The following CNTNAP5 variants were observed in gnomAD, a reference collection of about 807,000 sequenced individuals.
CNTNAP5 encodes the protein contactin associated protein family member 5.
Under a neutral mutation model 150.2 loss-of-function variants are expected in CNTNAP5, and 72 were observed. That is an observed-to-expected ratio of 0.48 (90% CI 0.40 to 0.58). The LOEUF is 0.58. Ranked by LOEUF, CNTNAP5 falls within the 20% of genes least tolerant of loss-of-function variation. CNTNAP5 has a pLI of 0.00. For missense variants in CNTNAP5, 1,636 were observed against 1,626.2 expected (o/e 1.01, Z -0.10); for synonymous variants, 672 against 619.8 (o/e 1.08, Z -1.25).
rs1381600152 is a variant in CNTNAP5 at position 124,798,216 on chromosome 2, A to G, written c.3113A>G (p.Lys1038Arg). 6.2e-7 allele frequency: 1 copy of G among 1,613,806 alleles called. No homozygotes were observed. The highest frequency in any genetic ancestry group is 8.5e-7 in the Non-Finnish European group (1 of 1,179,838). The change falls in exon 19 of 24, where the codon AAG becomes AGG. Residue 1038 changes from lysine to arginine, a missense_variant. By Grantham distance (26) the Lys-to-Arg change is conservative. Coordinates refer to ENST00000682447, the MANE Select transcript of CNTNAP5 (RefSeq NM_001367498.1). ...ATTTACACAGATTCAGCTCCATCCAAGGAAAACATTGCACTTAGCTTTGTG... is the reference window on the plus strand; with the variant it reads ...ATTTACACAGATTCAGCTCCATCCAGGGAAAACATTGCACTTAGCTTTGTG... ...SAIYTDSAPS[K>R]ENIALSFVTT...
chr2:124,176,864 C>CTTTTTTTTTTTTG (rs1558787965), intron 1 of CNTNAP5, among the ~76,000 whole-genome samples: 1 of 140,036 alleles, frequency 7.1e-6, no homozygotes. Context: ...TTTTTTTTTA[C>CTTTTTTTTTTTTG]ATGGCGTTTC....
intron 17 of CNTNAP5, among the ~76,000 whole-genome samples, chr2:124,775,816 G>T (rs1681309783): frequency 6.6e-6 from 1 of 152,152 alleles, no homozygotes; most frequent in South Asian, 2.1e-4. Flanking sequence ...CAAGCGTGTG[G>T]CATTCTCACC....
rs377468690 is a variant in CNTNAP5 at position 124,914,102 on chromosome 2, A to G, written c.3738A>G (p.Ala1246=). The G allele has an allele frequency of 1.2e-6, 2 of 1,610,822 alleles. No individual in the cohort carries two copies. Among genetic ancestry groups the G allele is most frequent in the African/African-American group, 1.3e-5 (1 of 74,720 alleles). Residue 1246 remains alanine, a synonymous_variant, in exon 24 of 24, where the codon GCA becomes GCG. Coordinates refer to ENST00000682447, the MANE Select transcript of CNTNAP5 (RefSeq NM_001367498.1). ...CCCCTTTCTCTCCAGGGGTGATAGC[A>G]GTGGTGATATTCATCATCTTCTGTA... ...SDSAVIGGVI[A]VVIFIIFCII...
intron 11 of CNTNAP5, among the ~76,000 whole-genome samples, chr2:124,567,812 A>G (rs1696058395): frequency 6.6e-6 from 1 of 150,700 alleles, no homozygotes; most frequent in South Asian, 2.1e-4. Flanking sequence ...CAGGTTTTTG[A>G]TTGTGGGATA....
At chr2:124,788,519 A>C (rs913419038) in intron 17 of CNTNAP5, among the ~76,000 whole-genome samples, 2 of 152,216 alleles carry the variant, frequency 1.3e-5, no homozygotes, top group African/African-American at 4.8e-5. Flanking sequence ...GTGAAGGTGC[A>C]AAAGAAGGCA....
intron 1 of CNTNAP5, among the ~76,000 whole-genome samples, chr2:124,086,247 A>G (rs574163512): frequency 8.2e-6 from 1 of 122,504 alleles, no homozygotes; most frequent in South Asian, 2.7e-4. Context: ...CCCAGGCTGG[A>G]GTGCAGTGGC....
chr2:124,643,571 T>C (rs1678139588), intron 12 of CNTNAP5, among the ~76,000 whole-genome samples: 1 of 152,174 alleles, frequency 6.6e-6, no homozygotes, highest in Non-Finnish European at 1.5e-5. Flanking sequence ...CCATCGCACT[T>C]GTTAACCTCA....
chr2:124,238,234 T>A (rs1686801604), intron 2 of CNTNAP5, among the ~76,000 whole-genome samples: 1 of 152,012 alleles, frequency 6.6e-6, no homozygotes, highest in South Asian at 2.1e-4. Context: ...GTTTCCTGGG[T>A]CTGGAGCTCC....
At chr2:124,842,978 A>T (rs1047062993) in intron 19 of CNTNAP5, among the ~76,000 whole-genome samples, 1 of 151,788 alleles carries the variant, frequency 6.6e-6, no homozygotes, top group Non-Finnish European at 1.5e-5. Flanking sequence ...TTTAGTGGTG[A>T]TTTCCGAGAT....
intron 1 of CNTNAP5, among the ~76,000 whole-genome samples, chr2:124,036,946 C>A (rs1406328197): frequency 6.6e-6 from 1 of 152,210 alleles, no homozygotes. Flanking sequence ...AACACAAAGA[C>A]TTAGCTATTG....
intron 3 of CNTNAP5, among the ~76,000 whole-genome samples, chr2:124,412,491 T>C (rs1691797998): frequency 6.6e-6 from 1 of 151,664 alleles, no homozygotes; most frequent in South Asian, 2.1e-4. Flanking sequence ...ACTACAAGGC[T>C]ACAGTAACCA....
At chr2:124,693,810 G>GA (rs1225589775) in intron 13 of CNTNAP5, among the ~76,000 whole-genome samples, 1 of 51,908 alleles carries the variant, frequency 1.9e-5, no homozygotes, top group Non-Finnish European at 4.3e-5. Flanking sequence ...TAAAACAAAA[G>GA]AAAAAACAAA....
At chr2:124,303,929 G>A (rs1485459888) in intron 3 of CNTNAP5, among the ~76,000 whole-genome samples, 2 of 152,186 alleles carry the variant, frequency 1.3e-5, no homozygotes. Context: ...ATACTCAGAA[G>A]GCTGAGAGGG....
intron 1 of CNTNAP5, among the ~76,000 whole-genome samples, chr2:124,217,180 G>A (rs1474249456): frequency 6.6e-6 from 1 of 152,150 alleles, no homozygotes; most frequent in Non-Finnish European, 1.5e-5. Context: ...CAAGTTGTGT[G>A]TCCCATTGGA....
rs1685022208 is a variant in CNTNAP5 at position 124,174,822 on chromosome 2, A to G, written c.83-46883A>G. ...CAGAAATATCTTTCATGAAAGGAAG[A>G]GTCAATCCATGTGGCAAACTTCATT... On this transcript the variant is annotated intron_variant, in intron 1 of 23. Coordinates refer to ENST00000682447, the MANE Select transcript of CNTNAP5 (RefSeq NM_001367498.1). Among the ~76,000 whole-genome samples, 3 of 152,222 alleles carry G rather than the reference A, an allele frequency of 2.0e-5. No individual in the cohort carries two copies. The South Asian group carries it at 6.2e-4, about 32-fold the overall frequency.
At chr2:124,487,145 C>T (rs182654978) in intron 7 of CNTNAP5, among the ~76,000 whole-genome samples, 1 of 152,252 alleles carries the variant, frequency 6.6e-6, no homozygotes, top group Admixed American at 6.5e-5. Flanking sequence ...CAGTATTTTC[C>T]CTGATGCTGT....
chr2:124,180,787 C>G (rs1302410369), intron 1 of CNTNAP5, among the ~76,000 whole-genome samples: 1 of 147,190 alleles, frequency 6.8e-6, no homozygotes, highest in Non-Finnish European at 1.5e-5. Flanking sequence ...CAATCTCCCC[C>G]CAAATAATTC....
chr2:124,138,740 T>C (rs139581589), intron 1 of CNTNAP5, among the ~76,000 whole-genome samples: 344 of 152,244 alleles, frequency 2.3e-3, no homozygotes, highest in African/African-American at 7.7e-3. Context: ...ATGGCTCTAT[T>C]ATTTGTCTAG....
chr2:124,255,619 G>T (rs1364484495), intron 3 of CNTNAP5, among the ~76,000 whole-genome samples: 2 of 151,218 alleles, frequency 1.3e-5, no homozygotes, highest in African/African-American at 2.4e-5. Flanking sequence ...TAAAAGCAAT[G>T]GGAATAAGGG....
Sources: allele counts gnomAD v4.1 joint callset (sites outside exome capture counted in the v4.1 genomes callset), GRCh38; gene constraint gnomAD v4.1.1; transcripts MANE v1.5; gene names NCBI Gene and HGNC (gene_info 2026-07-23, HGNC 2026-07-21).